The following PIK3CD variants were observed in gnomAD, a reference collection of about 807,000 sequenced individuals.
PIK3CD encodes phosphatidylinositol-4,5-bisphosphate 3-kinase catalytic subunit delta.
Under a neutral mutation model 122.9 loss-of-function variants are expected in PIK3CD, and 20 were observed. The ratio of observed to expected loss-of-function variants is 0.16; its 90% CI spans 0.11 to 0.24. The LOEUF is 0.24. PIK3CD is among the 10% of genes least tolerant of loss of function. The probability of loss-of-function intolerance (pLI) is 1.00; values close to 1 mark genes in which losing one functional copy is unlikely to be tolerated. For missense variants in PIK3CD, 787 were observed against 1,406.3 expected, an observed-to-expected ratio of 0.56 and a Z score of 7.04; for synonymous variants, 596 against 593.4, an observed-to-expected ratio of 1.00 and a Z score of -0.06.
At chr1:9,633,464 C>T in the PIK3CD span, among the ~76,000 whole-genome samples, 1 of 152,096 alleles carries the variant, frequency 6.6e-6, no homozygotes, top group Non-Finnish European at 1.5e-5. Context: ...CTCACCACCA[C>T]GCCCAGCTAA....
At chr1:9,677,643 TAAA>T (rs769155771) in intron 1 of PIK3CD, among the ~76,000 whole-genome samples, 7 of 90,420 alleles carry the variant, frequency 7.7e-5, no homozygotes, top group Non-Finnish European at 9.2e-5. Context: ...AGACCCTGTC[TAAA>T]AAAAAAAAAA....
In PIK3CD at chr1:9,728,243, C is replaced by A; in HGVS notation, c.*1197C>A. Reference sequence around the variant, plus strand: ...AGAAGTGTGAGAACGAGGGGGCGTGCTGGGATCTTTCTCTCTGACTATACT... The same window carrying A: ...AGAAGTGTGAGAACGAGGGGGCGTGATGGGATCTTTCTCTCTGACTATACT... On this transcript the variant is annotated 3_prime_UTR_variant, in exon 24 of 24. Transcript: ENST00000377346. 6.6e-6 allele frequency: 1 copy of A among 152,394 alleles called. No homozygotes were observed. The highest frequency in any genetic ancestry group is 1.5e-5 in the Non-Finnish European group (1 of 68,090). 9.4% of individuals were successfully genotyped at this position (152,394 alleles called of 1,614,324 possible). A position where few individuals can be genotyped will look rare whatever the true frequency, so the allele number is the denominator to read the frequency against.
intron 2 of PIK3CD, among the ~76,000 whole-genome samples, chr1:9,698,569 A>G (rs566173514): frequency 5.8e-4 from 88 of 152,354 alleles, no homozygotes; most frequent in African/African-American, 2.0e-3. Flanking sequence ...GACTGCATTC[A>G]GTTTCATTGA....
At chr1:9,702,490 A>G (rs1368712551) in intron 2 of PIK3CD, among the ~76,000 whole-genome samples, 1 of 103,384 alleles carries the variant, frequency 9.7e-6, no homozygotes, top group Admixed American at 1.0e-4. Context: ...CTTCCAAGGA[A>G]AGAACTTTCC....
At chr1:9,685,777 T>A (rs1645944277) in intron 1 of PIK3CD, among the ~76,000 whole-genome samples, 1 of 147,500 alleles carries the variant, frequency 6.8e-6, no homozygotes, top group Admixed American at 6.6e-5. Flanking sequence ...CAAGCGATCC[T>A]CCTGCCTCAA....
rs773473376 is a variant in PIK3CD at position 9,717,577 on chromosome 1, G to T, written c.971G>T (p.Arg324Leu). The T allele has an allele frequency of 1.2e-6, 2 of 1,614,112 alleles. No individual in the cohort carries two copies. Among genetic ancestry groups the T allele is most frequent in the Non-Finnish European group, 1.7e-6 (2 of 1,180,028 alleles). The change falls in exon 8 of 24, where the codon CGC becomes CTC. Residue 324 changes from arginine (R) to leucine (L), a missense_variant. Physicochemically the swap from Arg to Leu is moderately radical, Grantham distance 102. Transcript: ENST00000377346. This position sits in a 1 kb window ranked among gnomAD's most constrained non-coding sequence, Gnocchi z 5.4. Reference protein sequence around the residue: ...VSLWSLEQPFRIELIQGSKVN... With the variant: ...VSLWSLEQPFLIELIQGSKVN... ...CTGTGGTCCCTGGAGCAGCCGTTCCGCATCGAGCTCATCCAGGGCAGCAAA... is the reference window on the plus strand; with the variant it reads ...CTGTGGTCCCTGGAGCAGCCGTTCCTCATCGAGCTCATCCAGGGCAGCAAA...
At position 9,700,772 on chromosome 1, in the gene PIK3CD, C is replaced by T. The variant is rs367969175; in HGVS notation, c.-33+9201C>T. ...ATTCATTTGGTCTAAAATGGGGCTC[C>T]GGCTGTCTTATCCCACCAGAAATCT... On this transcript the variant is annotated intron_variant, in intron 2 of 23. Coordinates refer to ENST00000377346, the MANE Select transcript of PIK3CD (RefSeq NM_005026.5). This position sits in a 1 kb window ranked among gnomAD's most constrained non-coding sequence, Gnocchi z 5.1. Among the ~76,000 whole-genome samples, 62 of 152,200 alleles carry T rather than the reference C, an allele frequency of 4.1e-4. No homozygotes were observed. Among genetic ancestry groups the T allele is most frequent in the Non-Finnish European group, 7.4e-4 (50 of 67,998 alleles).
At chr1:9,665,978 G>T (rs1570106267) in intron 1 of PIK3CD, among the ~76,000 whole-genome samples, 1 of 152,128 alleles carries the variant, frequency 6.6e-6, no homozygotes, top group East Asian at 1.9e-4. Flanking sequence ...CCAGGCTGGA[G>T]TGCAATGGCA....
intron 2 of PIK3CD, among the ~76,000 whole-genome samples, chr1:9,702,880 G>A (rs918112488): frequency 1.3e-5 from 2 of 152,134 alleles, no homozygotes; most frequent in Non-Finnish European, 2.9e-5. Context: ...CTGCAGTAAT[G>A]AAAATAGATG....
chr1:9,668,787 T>C lies in PIK3CD; in HGVS notation c.-138+16985T>C, dbSNP rs1461462818. Among the ~76,000 whole-genome samples, 8 of 152,324 alleles carry C rather than the reference T, an allele frequency of 5.3e-5. No individual in the cohort carries two copies. In the East Asian group the frequency reaches 9.6e-4, roughly 18 times the overall value. On this transcript the variant is annotated intron_variant, in intron 1 of 23. Coordinates refer to ENST00000377346, the MANE Select transcript of PIK3CD (RefSeq NM_005026.5). ...ACAACCTCTTTCTGTCCAAATAGAC[T>C]GTGTCCTCGGCTGGCTGACTGGATC...
At chr1:9,678,891 C>A (rs868338705) in intron 1 of PIK3CD, among the ~76,000 whole-genome samples, 1 of 152,134 alleles carries the variant, frequency 6.6e-6, no homozygotes, top group Non-Finnish European at 1.5e-5. Context: ...ATCGACTTTC[C>A]TGCGTCTTTG....
rs1648031561 is a variant in PIK3CD, at chr1:9,718,989, ACT to A, written c.1242+78_1242+79del. The A allele has an allele frequency of 5.0e-6, 7 of 1,400,638 alleles. No individual in the cohort carries two copies. In the East Asian group the frequency reaches 1.7e-4, roughly 33 times the overall value. 86.8% of individuals were successfully genotyped at this position (1,400,638 alleles called of 1,614,324 possible). A position where few individuals can be genotyped will look rare whatever the true frequency, so the allele number is the denominator to read the frequency against. On this transcript the variant is annotated intron_variant, in intron 9 of 23. Coordinates refer to ENST00000377346, the MANE Select transcript of PIK3CD (RefSeq NM_005026.5). This position sits in a 1 kb window ranked among gnomAD's most constrained non-coding sequence, Gnocchi z 7.2. The stretch of plus-strand genomic sequence containing the variant: ...ACAGCCCCTTGCTGGGCCACTCACC[ACT>A]CTCCTCCCGGCAAGCACGCAGCCTG...
chr1:9,662,948 C>T (rs768602267), intron 1 of PIK3CD, among the ~76,000 whole-genome samples: 4 of 152,174 alleles, frequency 2.6e-5, no homozygotes, highest in African/African-American at 7.2e-5. Flanking sequence ...CTTGGCCTCC[C>T]GAAGTGCTGG....
At position 9,720,936 on chromosome 1, in the gene PIK3CD, G is replaced by T; in HGVS notation, c.1689+27G>T. On this transcript the variant is annotated intron_variant, in intron 13 of 23. Coordinates refer to ENST00000377346, the MANE Select transcript of PIK3CD (RefSeq NM_005026.5). The surrounding 1 kb of genome is among the most constrained non-coding windows in gnomAD (Gnocchi z 9.0). ...TGGGTGGGGAGGCGCACCTGGGGGC[G>T]GAGCTGGGGGCAGACCACAGCCTCT... The T allele has an allele frequency of 6.4e-7, 1 of 1,556,598 alleles. No individual in the cohort carries two copies. The highest frequency in any genetic ancestry group is 8.7e-7 in the Non-Finnish European group (1 of 1,150,924).
the PIK3CD span, among the ~76,000 whole-genome samples, chr1:9,635,120 C>G: frequency 1.3e-5 from 2 of 151,982 alleles, no homozygotes; most frequent in African/African-American, 4.8e-5. Context: ...AGTGAAACCC[C>G]CTCTCTTAGC....
At chr1:9,629,541 G>A in the PIK3CD span, among the ~76,000 whole-genome samples, 20 of 138,054 alleles carry the variant, frequency 1.4e-4, no homozygotes, top group South Asian at 4.6e-4. Context: ...AGAAAGAATC[G>A]AGGAGCCACG....
Position 9,721,555 on chromosome 1 carries a change from C to T in PIK3CD, c.1923C>T (p.Arg641=). ...KFLLDRALAN[R]KIGHFLFWHL... ...TGCTGGACCGGGCCCTGGCCAACCGCAAGATCGGCCACTTCCTTTTCTGGC... is the reference window on the plus strand; with the variant it reads ...TGCTGGACCGGGCCCTGGCCAACCGTAAGATCGGCCACTTCCTTTTCTGGC... Residue 641 remains arginine (R), a synonymous_variant, in exon 15 of 24, where the codon CGC becomes CGT. Coordinates refer to ENST00000377346, the MANE Select transcript of PIK3CD (RefSeq NM_005026.5). The T allele has an allele frequency of 1.2e-6, 2 of 1,613,644 alleles. No individual in the cohort carries two copies. Among genetic ancestry groups the T allele is most frequent in the South Asian group, 2.2e-5 (2 of 91,076 alleles).
chr1:9,719,921 G>C lies in PIK3CD; in HGVS notation c.1243G>C (p.Asp415His). The C allele has an allele frequency of 1.9e-6, 3 of 1,613,492 alleles. No homozygotes were observed. The highest frequency in any genetic ancestry group is 2.5e-6 in the Non-Finnish European group (3 of 1,179,874). The change falls in exon 10 of 24, where the codon GAC (aspartate) becomes CAC (histidine). Residue 415 changes from aspartate (D) to histidine (H), a missense_variant and splice_region_variant. By Grantham distance (81) the Asp-to-His change is moderately conservative (BLOSUM62 -1). Around this residue, in one of 6 missense-constraint regions of PIK3CD, gnomAD observed 592 missense variants for 920.6 expected, o/e 0.64. Transcript: ENST00000377346. The surrounding 1 kb of genome is among the most constrained non-coding windows in gnomAD (Gnocchi z 5.5). ...RSTKKKSKKA[D>H]CPIAWANLML... The stretch of plus-strand genomic sequence containing the variant: ...CCTCACCTGCCCTGTCCTTCTGCAG[G>C]ACTGCCCCATTGCCTGGGCCAACCT...
chr1:9,674,665 C>A (rs1645444850), intron 1 of PIK3CD, among the ~76,000 whole-genome samples: 1 of 146,556 alleles, frequency 6.8e-6, no homozygotes, highest in South Asian at 2.1e-4. Context: ...ACCACTCCAG[C>A]CTGGGCGACA....
Sources: allele counts gnomAD v4.1 joint callset (sites outside exome capture counted in the v4.1 genomes callset), GRCh38; gene constraint gnomAD v4.1.1; regional missense constraint gnomAD v4.1.1; non-coding constraint Gnocchi (gnomAD v3.1); transcripts MANE v1.5; gene names NCBI Gene and HGNC (gene_info 2026-07-23, HGNC 2026-07-21).